The following CCDC30 variants were observed in gnomAD, a reference collection of about 807,000 sequenced individuals.
CCDC30 encodes the protein coiled-coil domain-containing protein 30.
CCDC30 carries 70 observed loss-of-function variants against 100.2 expected under a neutral mutation model. That is an observed-to-expected ratio of 0.70 (90% CI 0.58 to 0.85). The LOEUF (loss-of-function observed/expected upper bound fraction) is 0.85. Ranked by LOEUF, CCDC30 falls within the 40% of genes least tolerant of loss-of-function variation. The pLI is 0.00. For synonymous variants in CCDC30, 233 were observed against 269.5 expected, an observed-to-expected ratio of 0.86 and a Z score of 1.33; for missense variants, 652 against 771.2, an observed-to-expected ratio of 0.85 and a Z score of 1.83.
At chr1:42,520,916 G>A (rs527542656) in intron 6 of CCDC30, among the ~76,000 whole-genome samples, 54 of 150,970 alleles carry the variant, frequency 3.6e-4, no homozygotes, top group African/African-American at 1.2e-3. Context: ...CAAAGTGCTG[G>A]GATTACAGGC....
At chr1:42,472,640 G>A (rs1323369805) in intron 1 of CCDC30, among the ~76,000 whole-genome samples, 2 of 151,496 alleles carry the variant, frequency 1.3e-5, no homozygotes, top group African/African-American at 4.8e-5. Context: ...AGAACAGACA[G>A]AAAAGCTTTT....
At chr1:42,546,402 A>G (rs1417988403) in intron 6 of CCDC30, among the ~76,000 whole-genome samples, 1 of 25,772 alleles carries the variant, frequency 3.9e-5, no homozygotes, top group African/African-American at 1.0e-4. Flanking sequence ...AAAAAAAAAT[A>G]TATATATATA....
chr1:42,585,617 T>C (rs1254728681), intron 9 of CCDC30, among the ~76,000 whole-genome samples: 1 of 152,054 alleles, frequency 6.6e-6, no homozygotes, highest in Admixed American at 6.6e-5. Context: ...TTCTCTAGTT[T>C]CCTAAGGTGA....
At chr1:42,605,721 A>C (rs957802161) in intron 10 of CCDC30, among the ~76,000 whole-genome samples, 1 of 152,142 alleles carries the variant, frequency 6.6e-6, no homozygotes, top group Admixed American at 6.5e-5. Context: ...TCCTGGGCTC[A>C]AGTGATCCAC....
intron 11 of CCDC30, 24 bp downstream of exon 15, chr1:42,611,114 G>C: frequency 7.3e-7 from 1 of 1,372,402 alleles, no homozygotes; most frequent in Non-Finnish European, 1.0e-6. Context: ...AGTTCTCTTT[G>C]GAAGAAAACT....
intron 16 of CCDC30, among the ~76,000 whole-genome samples, 156 bp from the exon 21 acceptor site, chr1:42,653,662 A>G (rs1055283203): frequency 7.2e-5 from 11 of 152,198 alleles, no homozygotes; most frequent in African/African-American, 2.4e-4. Flanking sequence ...TTAAGGTAGG[A>G]AATAAAATAT....
At chr1:42,602,611 G>C (rs1300752305) in intron 10 of CCDC30, among the ~76,000 whole-genome samples, 1 of 152,170 alleles carries the variant, frequency 6.6e-6, no homozygotes, top group Non-Finnish European at 1.5e-5. Flanking sequence ...ATAGACAATT[G>C]AATAGAACTA....
chr1:42,485,858 AATT>A (rs1347780161), intron 3 of CCDC30, among the ~76,000 whole-genome samples: 3 of 152,146 alleles, frequency 2.0e-5, no homozygotes, highest in African/African-American at 7.2e-5. Flanking sequence ...AAACATATAC[AATT>A]ATTATTTGTC....
At chr1:42,537,573 A>T in intron 6 of CCDC30, 5 of 320,814 alleles carry the variant, frequency 1.6e-5, no homozygotes, top group South Asian at 1.3e-4. Flanking sequence ...AATTTTATGT[A>T]ACCTATTCCC....
intron 6 of CCDC30, among the ~76,000 whole-genome samples, chr1:42,507,601 A>G (rs1024076425): frequency 6.6e-6 from 1 of 152,214 alleles, no homozygotes; most frequent in African/African-American, 2.4e-5. Context: ...CACACCTTGC[A>G]TGTAAATCTA....
At chr1:42,487,624 G>T (rs1203733884) in intron 3 of CCDC30, among the ~76,000 whole-genome samples, 1 of 152,122 alleles carries the variant, frequency 6.6e-6, no homozygotes, top group Non-Finnish European at 1.5e-5. Flanking sequence ...ACATGAGGGA[G>T]ATTCTACATT....
intron 3 of CCDC30, among the ~76,000 whole-genome samples, chr1:42,487,285 A>G (rs764950487): frequency 6.6e-6 from 1 of 152,158 alleles, no homozygotes; most frequent in Non-Finnish European, 1.5e-5. Flanking sequence ...TGAATTGTCC[A>G]CTTGAAATAT....
intron 6 of CCDC30, among the ~76,000 whole-genome samples, chr1:42,504,916 T>A (rs1335249570): frequency 1.3e-5 from 2 of 152,224 alleles, no homozygotes; most frequent in African/African-American, 4.8e-5. Flanking sequence ...CCAAACCCAA[T>A]AAAAAGTCCT....
upstream of CCDC30, chr1:42,459,923 C>A: frequency 6.2e-7 from 1 of 1,602,414 alleles, no homozygotes; most frequent in Non-Finnish European, 8.5e-7. Flanking sequence ...GTGACAGAAA[C>A]TGAAGTAAAA....
At chr1:42,646,998 G>T (rs776476504) in intron 15 of CCDC30, among the ~76,000 whole-genome samples, 2 of 152,148 alleles carry the variant, frequency 1.3e-5, no homozygotes, top group Non-Finnish European at 2.9e-5. Context: ...TACTCAGGAG[G>T]CTGAGGAAGG....
intron 6 of CCDC30, among the ~76,000 whole-genome samples, chr1:42,522,571 C>A (rs1487165708): frequency 1.3e-5 from 2 of 152,126 alleles, no homozygotes; most frequent in Non-Finnish European, 2.9e-5. Context: ...TTATGATACT[C>A]TAAATTGAAT....
intron 6 of CCDC30, among the ~76,000 whole-genome samples, chr1:42,563,418 G>A (rs1406167935): frequency 6.6e-6 from 1 of 151,766 alleles, no homozygotes; most frequent in African/African-American, 2.4e-5. Context: ...AGAATACATC[G>A]ACACAGAGAG....
chr1:42,555,051 C>T (rs1222472660), intron 6 of CCDC30, among the ~76,000 whole-genome samples: 3 of 152,116 alleles, frequency 2.0e-5, no homozygotes, highest in African/African-American at 4.8e-5. Context: ...CCCTTACCTG[C>T]CACATCCAAT....
intron 3 of CCDC30, among the ~76,000 whole-genome samples, chr1:42,484,997 A>G (rs1406775937): frequency 6.6e-6 from 1 of 152,168 alleles, no homozygotes; most frequent in Non-Finnish European, 1.5e-5. Context: ...TGAAATTTGA[A>G]CACTTGCTAG....
Sources: allele counts gnomAD v4.1 joint callset (sites outside exome capture counted in the v4.1 genomes callset), GRCh38; gene constraint gnomAD v4.1.1; transcripts MANE v1.5; gene names NCBI Gene and HGNC (gene_info 2026-07-23, HGNC 2026-07-21).